ABCC5: variants seen among roughly 807,000 people sequenced by gnomAD.
The protein encoded by ABCC5 is ATP binding cassette subfamily C member 5.
Under a neutral mutation model 160.9 loss-of-function variants are expected in ABCC5, and 61 were observed. The observed-to-expected ratio is 0.38, with a 90% CI of 0.31 to 0.47. The LOEUF (loss-of-function observed/expected upper bound fraction) is 0.47, where lower values mean the gene tolerates loss of function less well. Among genes scored for constraint, ABCC5 ranks in the 20% least tolerant of loss-of-function variants. The probability of loss-of-function intolerance (pLI) is 0.99; values close to 1 mark genes in which losing one functional copy is unlikely to be tolerated. For missense variants in ABCC5, 1,308 were observed against 1,813.3 expected (o/e 0.72, Z 5.06); for synonymous variants, 666 against 700.6 (o/e 0.95, Z 0.78).
intron 26 of ABCC5, among the ~76,000 whole-genome samples, chr3:183,935,956 C>T (rs1256944814): frequency 1.3e-5 from 2 of 152,208 alleles, no homozygotes; most frequent in South Asian, 2.1e-4. Flanking sequence ...GTTGACACTA[C>T]ACAAACACAG....
chr3:184,001,977 C>T (rs1048761091), intron 2 of ABCC5, among the ~76,000 whole-genome samples: 3 of 152,084 alleles, frequency 2.0e-5, no homozygotes, highest in Non-Finnish European at 2.9e-5. Context: ...AAATATCAAA[C>T]GAGGAAGTAT....
chr3:183,943,058 C>A, intron 24 of ABCC5, 142 bp from the exon 25 acceptor site: 1 of 795,156 alleles, frequency 1.3e-6, no homozygotes, highest in South Asian at 1.9e-5. Flanking sequence ...AGGAAAGAAT[C>A]CCTTGGAAGT....
chr3:183,966,864 C>A (rs1333313764), intron 12 of ABCC5, among the ~76,000 whole-genome samples: 2 of 152,326 alleles, frequency 1.3e-5, no homozygotes, highest in East Asian at 3.9e-4. Flanking sequence ...CTGGGGGCTA[C>A]AAAAGCACCC....
intron 20 of ABCC5, among the ~76,000 whole-genome samples, chr3:183,950,775 A>G (rs1343564593): frequency 6.6e-6 from 1 of 152,224 alleles, no homozygotes; most frequent in Non-Finnish European, 1.5e-5. Flanking sequence ...ACCTCTGGCC[A>G]TGGGTTTACA....
intron 2 of ABCC5, among the ~76,000 whole-genome samples, chr3:183,993,457 C>T (rs1719958511): frequency 7.4e-6 from 1 of 135,970 alleles, no homozygotes; most frequent in South Asian, 2.3e-4. Context: ...GCACTCCAGC[C>T]TGGGTGACAG....
chr3:183,989,508 G>T, intron 2 of ABCC5, 125 bp from the exon 3 acceptor site: 1 of 968,718 alleles, frequency 1.0e-6, no homozygotes, highest in Non-Finnish European at 1.5e-6. Flanking sequence ...CCAAGCAAGG[G>T]TCAGGAGGTT....
At chr3:183,983,375 G>T in intron 5 of ABCC5, 1 of 257,806 alleles carries the variant, frequency 3.9e-6, no homozygotes, top group East Asian at 8.4e-5. Context: ...ATGAAATTAA[G>T]ACCTTTTTTT....
chr3:183,925,319 G>A (rs1047784510), intron 29 of ABCC5, among the ~76,000 whole-genome samples: 2 of 152,204 alleles, frequency 1.3e-5, no homozygotes, highest in African/African-American at 4.8e-5. Flanking sequence ...AGTCAGTGTC[G>A]CTACTCACAA....
chr3:183,927,675 C>A (rs1712721615), intron 27 of ABCC5: 3 of 985,392 alleles, frequency 3.0e-6, no homozygotes, highest in South Asian at 9.4e-5. Flanking sequence ...TAAAACATCC[C>A]AGAAATCCCA....
chr3:183,939,824 C>G (rs992427120), intron 25 of ABCC5, among the ~76,000 whole-genome samples: 1 of 152,184 alleles, frequency 6.6e-6, no homozygotes, highest in Non-Finnish European at 1.5e-5. Flanking sequence ...AATCACTTTT[C>G]CTTGGCTGTA....
At chr3:183,929,016 A>G (rs950884273) in intron 26 of ABCC5, among the ~76,000 whole-genome samples, 191 bp from the exon 27 acceptor site, 1 of 152,216 alleles carries the variant, frequency 6.6e-6, no homozygotes, top group Non-Finnish European at 1.5e-5. Context: ...CCTCAGCTCC[A>G]TAAAACTTGA....
chr3:183,969,396 C>T (rs1050713116), intron 11 of ABCC5, among the ~76,000 whole-genome samples: 3 of 152,092 alleles, frequency 2.0e-5, no homozygotes, highest in South Asian at 2.1e-4. Flanking sequence ...GCCTGTTAGG[C>T]GTTAACTGAA....
chr3:183,990,082 C>T (rs961960377), intron 2 of ABCC5, among the ~76,000 whole-genome samples: 1 of 151,178 alleles, frequency 6.6e-6, no homozygotes, highest in Non-Finnish European at 1.5e-5. Flanking sequence ...GGATTACAGG[C>T]ATGAGCCACC....
At chr3:183,970,092 T>C (rs970773788) in intron 11 of ABCC5, among the ~76,000 whole-genome samples, 5 of 152,326 alleles carry the variant, frequency 3.3e-5, no homozygotes, top group Admixed American at 1.3e-4. Flanking sequence ...AGTCCAATCA[T>C]GTCATTCTGC....
At chr3:183,974,588 C>T (rs1271369884) in intron 10 of ABCC5, among the ~76,000 whole-genome samples, 4 of 152,160 alleles carry the variant, frequency 2.6e-5, no homozygotes, top group East Asian at 1.9e-4. Context: ...GGATTACAGG[C>T]GTGAGCCACC....
chr3:183,978,671 C>T lies in ABCC5; in HGVS notation c.1148-20G>A. The T allele has an allele frequency of 6.2e-7, 1 of 1,610,184 alleles. No individual in the cohort carries two copies. Among genetic ancestry groups the T allele is most frequent in the Non-Finnish European group, 8.5e-7 (1 of 1,178,088 alleles). On this transcript the variant is annotated intron_variant, in intron 8 of 29. Transcript: ENST00000334444. ...GGATTTCTATGAATAAAAAGCAAGC[C>T]AATTTCAAAGCAAGTTAAAAGAAGC...
At chr3:184,008,550 G>A (rs537812292) in intron 2 of ABCC5, among the ~76,000 whole-genome samples, 3 of 152,206 alleles carry the variant, frequency 2.0e-5, no homozygotes, top group Admixed American at 1.3e-4. Flanking sequence ...ATTGTGTGTG[G>A]CCACAAGCAT....
intron 2 of ABCC5, among the ~76,000 whole-genome samples, chr3:184,002,663 C>T (rs927870240): frequency 6.6e-6 from 1 of 152,232 alleles, no homozygotes; most frequent in Admixed American, 6.5e-5. Flanking sequence ...CTCATTTTAA[C>T]AGGCTGCCAG....
intron 2 of ABCC5, among the ~76,000 whole-genome samples, chr3:184,001,880 G>T (rs1490250703): frequency 6.6e-6 from 1 of 152,138 alleles, no homozygotes; most frequent in Non-Finnish European, 1.5e-5. Context: ...GCTGTCAGTG[G>T]CCAGACGACC....
Sources: allele counts gnomAD v4.1 joint callset (sites outside exome capture counted in the v4.1 genomes callset), GRCh38; gene constraint gnomAD v4.1.1; transcripts MANE v1.5; gene names NCBI Gene and HGNC (gene_info 2026-07-23, HGNC 2026-07-21).